The following CNBD1 variants were observed in gnomAD, a reference collection of about 807,000 sequenced individuals.
CNBD1 encodes cyclic nucleotide binding domain containing 1.
In CNBD1, 71 loss-of-function variants were observed where a neutral mutation model predicts 54.4. That is an observed-to-expected ratio of 1.30 (90% CI 1.08 to 1.59). The LOEUF is 1.59. CNBD1 is among the 40% of genes most tolerant of loss of function. The pLI, the probability that CNBD1 is intolerant of heterozygous loss-of-function variation, is 0.00. For synonymous variants in CNBD1, 182 were observed against 170.7 expected, an observed-to-expected ratio of 1.07 and a Z score of -0.51; for missense variants, 659 against 518.0, an observed-to-expected ratio of 1.27 and a Z score of -2.64.
intron 4 of CNBD1, among the ~76,000 whole-genome samples, chr8:87,014,717 T>C (rs1386170862): frequency 1.3e-5 from 2 of 152,004 alleles, no homozygotes; most frequent in Non-Finnish European, 2.9e-5. Context: ...ATAGGAATAC[T>C]TTTTTAACAT....
chr8:87,401,640 G>T (rs1331429038), intron 2 of CNBD1, among the ~76,000 whole-genome samples: 1 of 152,006 alleles, frequency 6.6e-6, no homozygotes, highest in Non-Finnish European at 1.5e-5. Flanking sequence ...CTGCATCCAT[G>T]CTTAACAGAA....
chr8:87,404,800 CA>C (rs1807626241), intron 2 of CNBD1, among the ~76,000 whole-genome samples: 1 of 150,848 alleles, frequency 6.6e-6, no homozygotes, highest in South Asian at 2.1e-4. Context: ...TGCTACTAGT[CA>C]GTCATCCTTT....
At chr8:87,005,674 A>C (rs1809083349) in intron 4 of CNBD1, among the ~76,000 whole-genome samples, 1 of 152,090 alleles carries the variant, frequency 6.6e-6, no homozygotes, top group Non-Finnish European at 1.5e-5. Flanking sequence ...AGACTTTATT[A>C]AAGATTATTG....
chr8:87,373,249 A>T (rs1303593621), intron 10 of CNBD1, among the ~76,000 whole-genome samples: 1 of 151,796 alleles, frequency 6.6e-6, no homozygotes, highest in Non-Finnish European at 1.5e-5. Flanking sequence ...ACTTCTACTG[A>T]CCCAATGATA....
intron 4 of CNBD1, among the ~76,000 whole-genome samples, chr8:87,173,055 G>A (rs1453690506): frequency 6.6e-6 from 1 of 151,680 alleles, no homozygotes; most frequent in Non-Finnish European, 1.5e-5. Flanking sequence ...TTTTACTTGA[G>A]GTTACCATCA....
chr8:86,950,088 G>C (rs1807575583), intron 4 of CNBD1, among the ~76,000 whole-genome samples: 1 of 91,066 alleles, frequency 1.1e-5, no homozygotes, highest in Non-Finnish European at 1.9e-5. Context: ...TTGAGATGGA[G>C]TCTCGCTCTG....
intron 2 of CNBD1, among the ~76,000 whole-genome samples, chr8:87,393,658 G>A (rs1811355721): frequency 6.6e-6 from 1 of 151,846 alleles, no homozygotes; most frequent in African/African-American, 2.4e-5. Flanking sequence ...GATGAATGTA[G>A]TATGTGCAAT....
intron 8 of CNBD1, among the ~76,000 whole-genome samples, chr8:87,309,603 A>G (rs1022144892): frequency 4.6e-5 from 7 of 152,154 alleles, no homozygotes; most frequent in Non-Finnish European, 8.8e-5. Flanking sequence ...GTAGACTTCC[A>G]TAAACAAAAC....
chr8:87,288,442 A>G (rs2130872820), intron 8 of CNBD1, among the ~76,000 whole-genome samples: 1 of 152,142 alleles, frequency 6.6e-6, no homozygotes, highest in Middle Eastern at 3.4e-3. Flanking sequence ...TGAGGTGATT[A>G]GAAAAGAGGA....
intron 8 of CNBD1, among the ~76,000 whole-genome samples, chr8:87,305,750 C>G (rs1230813275): frequency 6.6e-6 from 1 of 152,104 alleles, no homozygotes. Context: ...ATACACAAAT[C>G]AACTCAAAAT....
chr8:87,210,330 C>T (rs1184989705), intron 5 of CNBD1, among the ~76,000 whole-genome samples: 2 of 152,112 alleles, frequency 1.3e-5, no homozygotes, highest in Non-Finnish European at 2.9e-5. Flanking sequence ...AACAAAAAAG[C>T]TATTATGGGT....
chr8:87,179,827 G>A (rs1001027099), intron 4 of CNBD1, among the ~76,000 whole-genome samples: 5 of 152,012 alleles, frequency 3.3e-5, no homozygotes, highest in Non-Finnish European at 5.9e-5. Context: ...AATCAGCATC[G>A]TTTTTAATGT....
chr8:86,986,454 T>A (rs1328375718), intron 4 of CNBD1, among the ~76,000 whole-genome samples: 1 of 152,186 alleles, frequency 6.6e-6, no homozygotes, highest in Non-Finnish European at 1.5e-5. Context: ...TTTTTTCCCA[T>A]TCTGTAGGTT....
At chr8:87,364,046 T>A (rs1810583606) in intron 10 of CNBD1, among the ~76,000 whole-genome samples, 1 of 151,826 alleles carries the variant, frequency 6.6e-6, no homozygotes, top group Non-Finnish European at 1.5e-5. Context: ...GTTGTTGTTT[T>A]CTAAGGTGTT....
intron 8 of CNBD1, among the ~76,000 whole-genome samples, chr8:87,319,177 C>A (rs765615688): frequency 6.6e-6 from 1 of 151,970 alleles, no homozygotes; most frequent in Non-Finnish European, 1.5e-5. Context: ...CTTGATTTCA[C>A]ATTTAGAATA....
At chr8:87,258,376 G>C (rs1348811340) in intron 6 of CNBD1, among the ~76,000 whole-genome samples, 1 of 151,426 alleles carries the variant, frequency 6.6e-6, no homozygotes, top group Non-Finnish European at 1.5e-5. Context: ...TTCTTTATTT[G>C]TGTGTGTAGT....
At chr8:87,272,589 CTG>C (rs1171669601) in intron 6 of CNBD1, among the ~76,000 whole-genome samples, 2 of 151,890 alleles carry the variant, frequency 1.3e-5, no homozygotes, top group African/African-American at 4.8e-5. Context: ...AAGAAAAAGT[CTG>C]TGATATTAAG....
intron 8 of CNBD1, among the ~76,000 whole-genome samples, chr8:87,323,745 C>A: frequency 7.7e-6 from 1 of 129,964 alleles, no homozygotes; most frequent in Non-Finnish European, 1.7e-5. Flanking sequence ...ATGTCATCTG[C>A]AAACAGGGAC....
intron 5 of CNBD1, among the ~76,000 whole-genome samples, chr8:87,210,137 A>G (rs772846506): frequency 3.9e-5 from 6 of 152,226 alleles, no homozygotes; most frequent in Non-Finnish European, 7.3e-5. Flanking sequence ...GACGACTTAC[A>G]GTATCTGTAG....
Sources: gnomAD v4.1 joint callset for allele counts (sites outside exome capture counted in the v4.1 genomes callset) on GRCh38, gnomAD v4.1.1 for gene constraint, MANE v1.5 for transcripts, NCBI Gene and HGNC (gene_info 2026-07-23, HGNC 2026-07-21) for gene names.